CNTNAP4: variants seen among roughly 807,000 people sequenced by gnomAD.
CNTNAP4 encodes contactin-associated protein-like 4.
CNTNAP4 carries 98 observed loss-of-function variants against 148.4 expected under a neutral mutation model. That is an observed-to-expected ratio of 0.66 (90% CI 0.56 to 0.78). The LOEUF (loss-of-function observed/expected upper bound fraction) is 0.78. Ranked by LOEUF, CNTNAP4 falls within the 30% of genes least tolerant of loss-of-function variation. The probability of loss-of-function intolerance (pLI) is 0.00; values close to 1 mark genes in which losing one functional copy is unlikely to be tolerated. For missense variants in CNTNAP4, 1,935 were observed against 1,565.6 expected, an observed-to-expected ratio of 1.24 and a Z score of -3.98; for synonymous variants, 730 against 565.1, an observed-to-expected ratio of 1.29 and a Z score of -4.14.
chr16:76,468,638 C>G (rs2081261091), intron 10 of CNTNAP4, among the ~76,000 whole-genome samples: 1 of 152,182 alleles, frequency 6.6e-6, no homozygotes, highest in African/African-American at 2.4e-5. Context: ...GCACACAACA[C>G]CAGGCCTAGC....
chr16:76,524,599 C>G (rs1488026747), intron 17 of CNTNAP4, among the ~76,000 whole-genome samples: 1 of 152,128 alleles, frequency 6.6e-6, no homozygotes, highest in East Asian at 1.9e-4. Context: ...AAATGAAGCA[C>G]TAGTATGTCA....
chr16:76,499,066 T>G (rs1338861373), intron 15 of CNTNAP4, among the ~76,000 whole-genome samples: 1 of 1,224 alleles, frequency 8.2e-4, no homozygotes, highest in Non-Finnish European at 4.0e-3. Context: ...TTTACCACAA[T>G]TTTTTTTTTT....
intron 15 of CNTNAP4, among the ~76,000 whole-genome samples, chr16:76,504,162 C>T (rs1176259585): frequency 6.6e-6 from 1 of 151,630 alleles, no homozygotes; most frequent in East Asian, 1.9e-4. Context: ...AAAATATAAA[C>T]AAAGTTTGAG....
intron 1 of CNTNAP4, among the ~76,000 whole-genome samples, chr16:76,315,524 AT>A (rs572798981): frequency 1.3e-5 from 2 of 152,228 alleles, no homozygotes; most frequent in Non-Finnish European, 2.9e-5. Context: ...ATAAACTAGT[AT>A]CCTTTTGTAG....
At chr16:76,541,277 G>A (rs1045169484) in intron 21 of CNTNAP4, among the ~76,000 whole-genome samples, 6 of 152,128 alleles carry the variant, frequency 3.9e-5, no homozygotes, top group Non-Finnish European at 5.9e-5. Flanking sequence ...TGGCAGCCAC[G>A]CTTGCTCAGA....
At position 76,462,217 on chromosome 16, in the gene CNTNAP4, T is replaced by C. The variant is rs2081000139; in HGVS notation, c.1483+112T>C. Reference sequence around the variant, plus strand: ...TAATATGAATACTAAGGAATAATTTTTCACTGTCTTTGATCACGGACATTT... The same window carrying C: ...TAATATGAATACTAAGGAATAATTTCTCACTGTCTTTGATCACGGACATTT... On this transcript the variant is annotated intron_variant, in intron 9 of 23. Transcript: ENST00000611870. The C allele has an allele frequency of 3.1e-6, 3 of 965,082 alleles. No homozygotes were observed. In the African/African-American group the frequency reaches 4.9e-5, roughly 16 times the overall value. The allele number at this position is 965,082 out of a possible 1,614,324, so 59.8% of individuals were successfully genotyped here. A position where few individuals can be genotyped will look rare whatever the true frequency, so the allele number is the denominator to read the frequency against.
chr16:76,336,233 T>G (rs1406672486), intron 2 of CNTNAP4, among the ~76,000 whole-genome samples: 1 of 152,206 alleles, frequency 6.6e-6, no homozygotes, highest in Non-Finnish European at 1.5e-5. Context: ...CTTGAGGCTG[T>G]AACTGAGAAA....
chr16:76,356,607 T>G (rs1429484226), intron 3 of CNTNAP4, among the ~76,000 whole-genome samples: 1 of 152,184 alleles, frequency 6.6e-6, no homozygotes, highest in African/African-American at 2.4e-5. Flanking sequence ...TTGGATCTTA[T>G]GTGGGCTAAG....
chr16:76,411,345 A>G (rs1433946116), intron 3 of CNTNAP4, among the ~76,000 whole-genome samples: 3 of 151,492 alleles, frequency 2.0e-5, no homozygotes, highest in Admixed American at 1.3e-4. Context: ...TAATCAATAT[A>G]TTAGAATGAC....
chr16:76,411,948 G>A (rs1342713744), intron 3 of CNTNAP4, among the ~76,000 whole-genome samples: 1 of 151,352 alleles, frequency 6.6e-6, no homozygotes, highest in Non-Finnish European at 1.5e-5. Flanking sequence ...TGCCCTTACT[G>A]TTGACTCTTA....
chr16:76,391,012 C>T lies in CNTNAP4; in HGVS notation c.390+35501C>T, dbSNP rs1171321537. 2.6e-5 allele frequency among the ~76,000 whole-genome samples: 4 copies of T among 152,174 alleles called. No individual in the cohort carries two copies. The East Asian group carries it at 5.8e-4, about 22-fold the overall frequency. On this transcript the variant is annotated intron_variant, in intron 3 of 23. Coordinates refer to ENST00000611870, the MANE Select transcript of CNTNAP4 (RefSeq NM_033401.5). The stretch of plus-strand genomic sequence containing the variant: ...AGCACTTATCCTTTGAGTCACAGAC[C>T]AGCCAATTACAATCTTTAAGTTACT...
intron 3 of CNTNAP4, among the ~76,000 whole-genome samples, chr16:76,369,232 A>G (rs970237882): frequency 7.2e-5 from 11 of 152,192 alleles, no homozygotes; most frequent in Non-Finnish European, 5.9e-5. Flanking sequence ...ATATAACAAA[A>G]TAATACGTTC....
At chr16:76,314,360 A>G (rs1961473644) in intron 1 of CNTNAP4, among the ~76,000 whole-genome samples, 2 of 152,186 alleles carry the variant, frequency 1.3e-5, no homozygotes, top group African/African-American at 4.8e-5. Context: ...TAAAGTGGTG[A>G]AAGTTCAGTG....
chr16:76,360,335 C>T (rs928892812), intron 3 of CNTNAP4, among the ~76,000 whole-genome samples: 5 of 152,108 alleles, frequency 3.3e-5, no homozygotes, highest in Non-Finnish European at 7.3e-5. Context: ...AGGGTAGAAA[C>T]ACTACCTGCA....
At chr16:76,526,297 A>G (rs1247297814) in intron 17 of CNTNAP4, among the ~76,000 whole-genome samples, 1 of 152,194 alleles carries the variant, frequency 6.6e-6, no homozygotes, top group Non-Finnish European at 1.5e-5. Flanking sequence ...GTGGCTGGAA[A>G]GAATCAGATT....
chr16:76,356,010 G>T (rs2012580371), intron 3 of CNTNAP4, among the ~76,000 whole-genome samples: 5 of 151,914 alleles, frequency 3.3e-5, no homozygotes, highest in Admixed American at 3.3e-4. Context: ...AAGTAGCTTG[G>T]ATTATAGTCG....
intron 13 of CNTNAP4, among the ~76,000 whole-genome samples, chr16:76,491,239 T>C (rs376050487): frequency 2.0e-5 from 3 of 152,278 alleles, no homozygotes; most frequent in East Asian, 3.9e-4. Flanking sequence ...TACCTCCTCC[T>C]GGAACCTCAA....
chr16:76,411,738 G>A (rs531110491), intron 3 of CNTNAP4, among the ~76,000 whole-genome samples: 19 of 151,464 alleles, frequency 1.3e-4, no homozygotes, highest in African/African-American at 4.6e-4. Context: ...TGTCTTTGCT[G>A]AACTATTTTT....
intron 21 of CNTNAP4, among the ~76,000 whole-genome samples, chr16:76,552,492 A>C (rs540790109): frequency 6.6e-6 from 1 of 152,258 alleles, no homozygotes; most frequent in Non-Finnish European, 1.5e-5. Flanking sequence ...TCCTAAGTTA[A>C]AATTATAATT....
Sources: gnomAD v4.1 joint callset for allele counts (sites outside exome capture counted in the v4.1 genomes callset) on GRCh38, gnomAD v4.1.1 for gene constraint, MANE v1.5 for transcripts, NCBI Gene and HGNC (gene_info 2026-07-23, HGNC 2026-07-21) for gene names.